The following ARHGAP4 variants were observed in gnomAD, a reference collection of about 807,000 sequenced individuals.
ARHGAP4 encodes the protein rho GTPase-activating protein 4.
ARHGAP4 carries 25 observed loss-of-function variants against 67.6 expected under a neutral mutation model. The ratio of observed to expected loss-of-function variants is 0.37; its 90% CI spans 0.27 to 0.52. The LOEUF is 0.52. Ranked by LOEUF, ARHGAP4 falls within the 20% of genes least tolerant of loss-of-function variation. ARHGAP4 has a pLI of 0.92. For synonymous variants in ARHGAP4, 448 were observed against 373.7 expected, an observed-to-expected ratio of 1.20 and a Z score of -2.29; for missense variants, 804 against 854.6, an observed-to-expected ratio of 0.94 and a Z score of 0.74.
At chrX:153,912,905 C>A in intron 11 of ARHGAP4, 103 bp from the exon 12 acceptor site, 1 of 1,123,778 alleles carries the variant, frequency 8.9e-7, no homozygotes. Context: ...GAAGTTATTC[C>A]ACAATCCAGT....
In ARHGAP4 at chrX:153,907,611, G is replaced by T; in HGVS notation, c.*118C>A. ...CGGCCCCATCCCACCTCTCTGCACA[G>T]GGTGAAGTGCAGGCACCCTGCACTT... On this transcript the variant is annotated 3_prime_UTR_variant, in exon 22 of 22. Coordinates refer to ENST00000350060, the MANE Select transcript of ARHGAP4 (RefSeq NM_001666.5). The T allele has an allele frequency of 5.4e-6, 2 of 369,870 alleles. No individual in the cohort carries two copies. Among genetic ancestry groups the T allele is most frequent in the East Asian group, 4.3e-5 (1 of 23,457 alleles). The allele number at this position is 369,870 out of a possible 1,213,427, so 30.5% of individuals were successfully genotyped here.
At chrX:153,925,797 C>G (rs995236244) in intron 1 of ARHGAP4, among the ~76,000 whole-genome samples, 1 of 112,983 alleles carries the variant, frequency 8.9e-6, no homozygotes, top group African/African-American at 3.2e-5. Flanking sequence ...TTCACTGTAG[C>G]TAAAATACTG....
chrX:153,922,722 T>A (rs2065104114), intron 1 of ARHGAP4, among the ~76,000 whole-genome samples: 2 of 112,186 alleles, frequency 1.8e-5, no homozygotes. Flanking sequence ...CTCATCTCCA[T>A]CCACATCCCC....
At position 153,919,384 on chromosome X, in the gene ARHGAP4, A is replaced by G. The variant is rs968113528; in HGVS notation, c.682-101T>C. The G allele has an allele frequency of 5.9e-6, 7 of 1,184,351 alleles. No homozygotes were observed. The South Asian group carries it at 1.1e-4, about 19-fold the overall frequency. On this transcript the variant is annotated intron_variant, in intron 5 of 21. Coordinates refer to ENST00000350060, the MANE Select transcript of ARHGAP4 (RefSeq NM_001666.5). The stretch of plus-strand genomic sequence containing the variant: ...ATCGCCTCCCCTCCCACTGTGGACA[A>G]CTACACCTGAACTGGTCAAGCCCAG...
intron 7 of ARHGAP4, among the ~76,000 whole-genome samples, chrX:153,916,626 C>G (rs1285959346): frequency 6.2e-5 from 7 of 113,352 alleles, no homozygotes; most frequent in Admixed American, 9.3e-5. Flanking sequence ...GGTATGTGTT[C>G]AGGCCTCTTC....
intron 5 of ARHGAP4, chrX:153,919,760 G>C: frequency 1.0e-6 from 1 of 997,876 alleles, no homozygotes; most frequent in Non-Finnish European, 1.3e-6. Context: ...GCTGGCACCT[G>C]GGTTCTAAAA....
rs2064980187 is a variant in ARHGAP4 at position 153,907,671 on chromosome X, G to A, written c.*58C>T. Reference sequence around the variant, plus strand: ...GGCTGGAGAGAAGCAAGGGGGCTGGGGAGAGTGGCCGGTCCAGCGGGTAGC... The same window carrying A: ...GGCTGGAGAGAAGCAAGGGGGCTGGAGAGAGTGGCCGGTCCAGCGGGTAGC... On this transcript the variant is annotated 3_prime_UTR_variant, in exon 22 of 22. Coordinates refer to ENST00000350060, the MANE Select transcript of ARHGAP4 (RefSeq NM_001666.5). 3.4e-6 allele frequency: 2 copies of A among 585,641 alleles called. No individual in the cohort carries two copies. Among genetic ancestry groups the A allele is most frequent in the Admixed American group, 4.1e-5 (1 of 24,672 alleles). 48.3% of individuals were successfully genotyped at this position (585,641 alleles called of 1,213,427 possible).
chrX:153,926,021 C>T (rs1240797279), intron 1 of ARHGAP4, 115 bp downstream of exon 1: 1 of 1,046,609 alleles, frequency 9.6e-7, no homozygotes, highest in African/African-American at 2.0e-5. Flanking sequence ...ACCCCCGCTC[C>T]AGAGGTCGCT....
At chrX:153,917,424 G>T (rs2065062838) in intron 7 of ARHGAP4, among the ~76,000 whole-genome samples, 1 of 109,288 alleles carries the variant, frequency 9.2e-6, no homozygotes, top group Non-Finnish European at 1.9e-5. Context: ...AAAAATAAAA[G>T]CTTCAGAAAG....
At position 153,907,773 on chromosome X, in the gene ARHGAP4, C is replaced by CTGAGGG. The variant is rs781784198; in HGVS notation, c.2791_2796dup (p.Pro931_Ser932dup). On this transcript the variant is annotated inframe_insertion, in exon 22 of 22. Transcript: ENST00000350060. Reference sequence around the variant, plus strand: ...GTGTCTAGGCCCTGGGGGTGGGAAGCTGAGGGTGAGGCTGGGGCCCCAGGG... The same window carrying CTGAGGG: ...GTGTCTAGGCCCTGGGGGTGGGAAGCTGAGGGTGAGGGTGAGGCTGGGGCCCCAGGG... The CTGAGGG allele has an allele frequency of 7.9e-6, 8 of 1,011,363 alleles. No individual in the cohort carries two copies. Among genetic ancestry groups the CTGAGGG allele is most frequent in the Middle Eastern group, 6.2e-4 (2 of 3,237 alleles). 83.3% of individuals were successfully genotyped at this position (1,011,363 alleles called of 1,213,427 possible).
chrX:153,907,997 G>T (rs1557101688), intron 21 of ARHGAP4, 35 bp from the exon 22 acceptor site: 1 of 1,123,481 alleles, frequency 8.9e-7, no homozygotes, highest in East Asian at 3.5e-5. Context: ...AGTGACCAGT[G>T]AGTTCCCCCG....
rs1347452389 is a variant in ARHGAP4 at position 153,925,005 on chromosome X, C to A, written c.67+1131G>T. Among the ~76,000 whole-genome samples the A allele has an allele frequency of 2.7e-5, 3 of 111,866 alleles. No individual in the cohort carries two copies. The Admixed American group carries it at 2.8e-4, about 11-fold the overall frequency. ...TGAGGAACCCTTAGACAGTCGTGCT[C>A]GAAACCCCAACTTTTCAGTGTGAAA... On this transcript the variant is annotated intron_variant, in intron 1 of 21. Coordinates refer to ENST00000350060, the MANE Select transcript of ARHGAP4 (RefSeq NM_001666.5).
At chrX:153,919,401 C>A in intron 5 of ARHGAP4, 118 bp from the exon 6 acceptor site, 1 of 1,169,753 alleles carries the variant, frequency 8.5e-7, no homozygotes, top group South Asian at 1.9e-5. Context: ...CTGAACTGGT[C>A]AAGCCCAGAA....
intron 1 of ARHGAP4, among the ~76,000 whole-genome samples, chrX:153,925,816 G>A (rs1375257213): frequency 2.7e-5 from 3 of 113,067 alleles, no homozygotes; most frequent in Non-Finnish European, 5.6e-5. Flanking sequence ...TGCCTTCTGA[G>A]GGGCACGTTG....
chrX:153,920,793 G>T lies in ARHGAP4; in HGVS notation c.514C>A (p.Gln172Lys). 8.2e-7 allele frequency: 1 copy of T among 1,212,161 alleles called. No individual in the cohort carries two copies. The change falls in exon 5 of 22, where the codon CAG becomes AAG. Residue 172 changes from glutamine (Q) to lysine (K), a missense_variant. Physicochemically the swap from Gln to Lys is moderately conservative, Grantham distance 53. Transcript: ENST00000350060. ...SELQTAKKTY[Q>K]AYHMESVNAE... ...TTCACGCTCTCCATGTGATATGCCT[G>T]GTACGTCTTCTTGGCCTGCAGGGAG...
rs2065094369 is a variant in ARHGAP4 at position 153,921,529 on chromosome X, TG to T, written c.273-3del. 6 of 1,194,911 alleles carry T rather than the reference TG, an allele frequency of 5.0e-6. No individual in the cohort carries two copies. In the Middle Eastern group the frequency reaches 1.4e-3, roughly 280 times the overall value. ...GGCGACAGGAGGGACGGCTCCTTCC[TG>T]GGGGTAGAGGGGCACTGAGACCTGG... is the stretch of plus-strand genomic sequence containing the variant. On this transcript the variant is annotated splice_polypyrimidine_tract_variant and splice_region_variant and intron_variant, in intron 2 of 21. Coordinates refer to ENST00000350060, the MANE Select transcript of ARHGAP4 (RefSeq NM_001666.5).
At chrX:153,923,489 C>A (rs377211366) in intron 1 of ARHGAP4, among the ~76,000 whole-genome samples, 5 of 112,108 alleles carry the variant, frequency 4.5e-5, no homozygotes. Context: ...CCACTCCCTG[C>A]CCCCACCAGA....
At position 153,926,210 on chromosome X, in the gene ARHGAP4, TCGCGGCCG is replaced by T. The variant is rs782617466; in HGVS notation, c.-16_-9del. The T allele has an allele frequency of 6.7e-6, 8 of 1,188,055 alleles. No homozygotes were observed. The highest frequency in any genetic ancestry group is 1.8e-5 in the African/African-American group (1 of 56,002). The stretch of plus-strand genomic sequence containing the variant: ...CTTCCCGTGAGCGGCCATGGCGGCC[TCGCGGCCG>T]CGCCGTCGAACCCCACTGCTCCCAC... On this transcript the variant is annotated 5_prime_UTR_variant, in exon 1 of 22. Coordinates refer to ENST00000350060, the MANE Select transcript of ARHGAP4 (RefSeq NM_001666.5).
chrX:153,911,252 C>CTTTTT (rs10710691), intron 12 of ARHGAP4, 63 bp from the exon 13 acceptor site: 8 of 422,706 alleles, frequency 1.9e-5, no homozygotes, highest in African/African-American at 8.0e-5. Flanking sequence ...CATTCAATTG[C>CTTTTT]TTTTTTTTTT....
Sources: allele counts gnomAD v4.1 joint callset (sites outside exome capture counted in the v4.1 genomes callset), GRCh38; gene constraint gnomAD v4.1.1; transcripts MANE v1.5; gene names NCBI Gene and HGNC (gene_info 2026-07-23, HGNC 2026-07-21).